The following PKD2 variants were observed in gnomAD, a reference collection of about 807,000 sequenced individuals.
PKD2 encodes polycystin 2, transient receptor potential cation channel, also known as polycystin-2.
In PKD2, 48 loss-of-function variants were observed where a neutral mutation model predicts 105.9. The observed-to-expected ratio is 0.45, with a 90% confidence interval of 0.36 to 0.58. PKD2 has a LOEUF of 0.58. Among genes scored for constraint, PKD2 ranks in the 20% least tolerant of loss-of-function variants. PKD2 has a pLI of 0.00. For missense variants in PKD2, 1,078 were observed against 1,255.3 expected, an observed-to-expected ratio of 0.86 and a Z score of 2.13; for synonymous variants, 464 against 481.1, an observed-to-expected ratio of 0.96 and a Z score of 0.46.
chr4:88,050,520 G>C (rs1194439747), intron 6 of PKD2, among the ~76,000 whole-genome samples: 1 of 152,090 alleles, frequency 6.6e-6, no homozygotes, highest in Non-Finnish European at 1.5e-5. Context: ...TGGAAGGAAA[G>C]GTTTCAAAGA....
chr4:88,049,053 C>T (rs948057063), intron 6 of PKD2, among the ~76,000 whole-genome samples: 3 of 152,310 alleles, frequency 2.0e-5, no homozygotes, highest in Middle Eastern at 3.4e-3. Flanking sequence ...TAAGAACAGA[C>T]TTCCTTTTTA....
intron 6 of PKD2, among the ~76,000 whole-genome samples, chr4:88,051,586 A>G (rs1720102772): frequency 6.6e-6 from 1 of 152,234 alleles, no homozygotes; most frequent in Non-Finnish European, 1.5e-5. Context: ...ACAAATAAAA[A>G]CAGCAGGATG....
intron 13 of PKD2, among the ~76,000 whole-genome samples, chr4:88,070,260 AT>A (rs35811508): frequency 1.3e-5 from 2 of 151,908 alleles, no homozygotes; most frequent in African/African-American, 2.4e-5. Context: ...CACTTTCAAG[AT>A]TTTTTTGCTT....
chr4:88,014,737 G>A (rs76173872), intron 1 of PKD2, among the ~76,000 whole-genome samples: 271 of 152,298 alleles, frequency 1.8e-3, no homozygotes, highest in African/African-American at 6.1e-3. Flanking sequence ...ACAATGAACT[G>A]ATAGTTCAGA....
Position 88,061,887 on chromosome 4 carries a change from T to C in PKD2, c.2020-19T>C, listed in dbSNP as rs776437852. On this transcript the variant is annotated intron_variant, in intron 9 of 14. Transcript: ENST00000237596. ...ATGTTTCTTCCTTTAATTTTTGCCCTCCTTTCATTTACAAACAGAATATGT... is the reference window on the plus strand; with the variant it reads ...ATGTTTCTTCCTTTAATTTTTGCCCCCCTTTCATTTACAAACAGAATATGT... The C allele has an allele frequency of 2.6e-6, 3 of 1,175,620 alleles. No homozygotes were observed. In the East Asian group the frequency reaches 7.0e-5, roughly 28 times the overall value. 72.8% of individuals were successfully genotyped at this position (1,175,620 alleles called of 1,614,324 possible).
rs2728118 is a variant in PKD2, at chr4:88,008,153, G to C, written c.420G>C (p.Gly140=). ...GCTCCGTGGGCGCGCGGAGCCGGGG[G>C]CTTGGGGGCTACCACGGCGCGGGCC... ...AVSSVGARSR[G]LGGYHGAGHP... The change falls in exon 1 of 15, where the codon GGG becomes GGC. Residue 140 remains glycine, a synonymous_variant. Coordinates refer to ENST00000237596, the MANE Select transcript of PKD2 (RefSeq NM_000297.4). The C allele has an allele frequency of 6.8e-7, 1 of 1,463,024 alleles. No homozygotes were observed. Among genetic ancestry groups the C allele is most frequent in the Admixed American group, 2.3e-5 (1 of 43,378 alleles). The allele number at this position is 1,463,024 out of a possible 1,614,324, so 90.6% of individuals were successfully genotyped here. A position where few individuals can be genotyped will look rare whatever the true frequency, so the allele number is the denominator to read the frequency against.
intron 13 of PKD2, among the ~76,000 whole-genome samples, chr4:88,074,272 C>T (rs535096705): frequency 4.4e-4 from 67 of 152,240 alleles, no homozygotes; most frequent in African/African-American, 1.5e-3. Context: ...ACCTCAGCCT[C>T]GCAAGTAGCT....
At chr4:88,008,442 T>A in intron 1 of PKD2, 114 bp downstream of exon 1, 1 of 1,296,454 alleles carries the variant, frequency 7.7e-7, no homozygotes, top group Non-Finnish European at 1.0e-6. Flanking sequence ...CCCTCTGCGT[T>A]CCGCCTCCCT....
chr4:88,072,004 A>G (rs1442042879), intron 13 of PKD2, among the ~76,000 whole-genome samples: 3 of 109,736 alleles, frequency 2.7e-5, no homozygotes, highest in Admixed American at 1.2e-4. Flanking sequence ...TTTTTTTGAG[A>G]CAGAGTCTCA....
At chr4:88,028,851 A>G (rs1727046282) in intron 2 of PKD2, among the ~76,000 whole-genome samples, 1 of 152,384 alleles carries the variant, frequency 6.6e-6, no homozygotes, top group African/African-American at 2.4e-5. Context: ...GATTGTCTGT[A>G]TATAAATATT....
intron 2 of PKD2, among the ~76,000 whole-genome samples, chr4:88,019,974 C>G (rs1439896329): frequency 3.3e-5 from 5 of 152,196 alleles, no homozygotes; most frequent in Non-Finnish European, 7.3e-5. Context: ...GTCAAGTTCT[C>G]TTCTGCACTC....
chr4:88,070,727 G>A (rs1721002416), intron 13 of PKD2, among the ~76,000 whole-genome samples: 1 of 151,228 alleles, frequency 6.6e-6, no homozygotes, highest in South Asian at 2.1e-4. Context: ...GAACACCTGG[G>A]CTCAAATGAT....
chr4:88,023,569 T>A (rs563051661), intron 2 of PKD2, among the ~76,000 whole-genome samples: 11 of 152,262 alleles, frequency 7.2e-5, no homozygotes, highest in African/African-American at 2.4e-4. Context: ...AAGTACAGAT[T>A]TTTTTTGCAT....
Position 88,030,884 on chromosome 4 carries a change from CAG to C in PKD2, c.710-5334_710-5333del, listed in dbSNP as rs556688638. Among the ~76,000 whole-genome samples, 113 of 152,342 alleles carry C rather than the reference CAG, an allele frequency of 7.4e-4. 1 individual carries two copies. Among genetic ancestry groups the C allele is most frequent in the African/African-American group, 2.7e-3 (113 of 41,588 alleles). ...CTAGGACTTCTCATTTACTAACACA[CAG>C]AATTTCCTGTAGTATGTCCACTTAA... On this transcript the variant is annotated intron_variant, in intron 2 of 14. Transcript: ENST00000237596.
chr4:88,048,590 C>G (rs2110117921), intron 6 of PKD2, among the ~76,000 whole-genome samples: 1 of 152,310 alleles, frequency 6.6e-6, no homozygotes, highest in South Asian at 2.1e-4. Flanking sequence ...TACTAACCCT[C>G]TTCACTACTC....
chr4:88,046,012 A>G (rs980590143), intron 5 of PKD2, among the ~76,000 whole-genome samples: 5 of 152,120 alleles, frequency 3.3e-5, no homozygotes, highest in Middle Eastern at 3.2e-3. Flanking sequence ...TCCTAGGGCC[A>G]GGCATGGTGG....
chr4:88,017,909 A>G (rs1726614769), intron 1 of PKD2, among the ~76,000 whole-genome samples: 1 of 152,208 alleles, frequency 6.6e-6, no homozygotes, highest in Admixed American at 6.5e-5. Flanking sequence ...CTATTGACAT[A>G]TATTTTAGGC....
chr4:88,028,411 A>G (rs1256381846), intron 2 of PKD2, among the ~76,000 whole-genome samples: 1 of 152,226 alleles, frequency 6.6e-6, no homozygotes, highest in African/African-American at 2.4e-5. Context: ...CACCACAAAC[A>G]GTTTCAGTCT....
chr4:88,049,181 T>G (rs538617151), intron 6 of PKD2, among the ~76,000 whole-genome samples: 9 of 152,372 alleles, frequency 5.9e-5, no homozygotes, highest in African/African-American at 2.2e-4. Context: ...TTATTATCTT[T>G]ATTTGTAAAT....
Sources: allele counts gnomAD v4.1 joint callset (sites outside exome capture counted in the v4.1 genomes callset), GRCh38; gene constraint gnomAD v4.1.1; transcripts MANE v1.5; gene names NCBI Gene and HGNC (gene_info 2026-07-23, HGNC 2026-07-21).